The following MAZ variants were observed in gnomAD, a reference collection of about 807,000 sequenced individuals.
MAZ encodes the protein MYC associated zinc finger protein, also known as myc-associated zinc finger protein.
In MAZ, 4 loss-of-function variants were observed where a neutral mutation model predicts 32.7. That is an observed-to-expected ratio of 0.12 (90% CI 0.06 to 0.28). The LOEUF (loss-of-function observed/expected upper bound fraction) is 0.28. MAZ is among the 10% of genes least tolerant of loss of function. The pLI, the probability that MAZ is intolerant of heterozygous loss-of-function variation, is 1.00. For synonymous variants in MAZ, 510 were observed against 297.6 expected, an observed-to-expected ratio of 1.71 and a Z score of -7.35; for missense variants, 763 against 667.2, an observed-to-expected ratio of 1.14 and a Z score of -1.58.
Position 29,807,616 on chromosome 16 carries a change from G to A in MAZ, c.831G>A (p.Lys277=), listed in dbSNP as rs1424349757. The change falls in exon 2 of 5, where the codon AAG becomes AAA. Residue 277 remains lysine (K), a synonymous_variant. Transcript: ENST00000322945. ...TTTASGKRIR[K]NHACEMCGKA... ...CCGCCTCGGGGAAGCGCATCCGGAA[G>A]AACCATGCCTGCGAGATGTGTGGCA... 11 of 1,612,638 alleles carry A rather than the reference G, an allele frequency of 6.8e-6. No homozygotes were observed. The highest frequency in any genetic ancestry group is 1.1e-5 in the South Asian group (1 of 91,080).
chr16:29,808,505 C>T, intron 3 of MAZ, 65 bp from the exon 4 acceptor site: 10 of 1,100,766 alleles, frequency 9.1e-6, no homozygotes, highest in Non-Finnish European at 1.2e-5. Flanking sequence ...TCTTGCTCCC[C>T]CCTCCCCAGC....
chr16:29,806,960 G>A lies in MAZ; in HGVS notation c.193-18G>A, dbSNP rs1369135101. ...GCCCGCCCGCACCCGCGGCCCACTC[G>A]GCGCCTTGTCTCCGCAGGCCGCGCC... On this transcript the variant is annotated intron_variant, in intron 1 of 4. Coordinates refer to ENST00000322945, the MANE Select transcript of MAZ (RefSeq NM_002383.4). The A allele has an allele frequency of 3.7e-6, 4 of 1,090,862 alleles. No homozygotes were observed. The highest frequency in any genetic ancestry group is 4.4e-6 in the Non-Finnish European group (4 of 899,666). 67.6% of individuals were successfully genotyped at this position (1,090,862 alleles called of 1,614,324 possible). A position where few individuals can be genotyped will look rare whatever the true frequency, so the allele number is the denominator to read the frequency against.
chr16:29,809,140 G>A (rs1344663979), intron 4 of MAZ: 10 of 497,742 alleles, frequency 2.0e-5, no homozygotes, highest in Non-Finnish European at 3.2e-5. Flanking sequence ...CACCCTGCAC[G>A]GGTAGCAGAG....
In MAZ at chr16:29,810,099, GGCGGCGGCA is replaced by G. The variant is rs748595015; in HGVS notation, c.1308_1316del (p.Ala446_Ala448del). On this transcript the variant is annotated inframe_deletion, in exon 5 of 5. Coordinates refer to ENST00000322945, the MANE Select transcript of MAZ (RefSeq NM_002383.4). ...CAGGTACTGGTGAGGTTTGTCCAATGGCGGCGGCAGCGGCAGCGGCGGCAGCGGCAGCAG... is the reference window on the plus strand; with the variant it reads ...CAGGTACTGGTGAGGTTTGTCCAATGGCGGCAGCGGCGGCAGCGGCAGCAG... The G allele has an allele frequency of 5.4e-4, 866 of 1,609,664 alleles. 1 individual carries two copies. Among genetic ancestry groups the G allele is most frequent in the African/African-American group, 3.6e-3 (269 of 74,672 alleles).
Position 29,807,825 on chromosome 16 carries a change from C to G in MAZ, c.1040C>G (p.Ser347Cys). Residue 347 changes from serine (S) to cysteine (C), a missense_variant, in exon 2 of 5, where the codon TCC (serine) becomes TGC (cysteine). Transcript: ENST00000322945. ...TGCTCCCACTGTGGCAAGAGCTTCT[C>G]CCGGTGTGCACGGGGCCTCGGCCGC... is the stretch of plus-strand genomic sequence containing the variant. The part of the protein sequence containing the change: ...YNCSHCGKSF[S>C]RPDHLNSHVR... The G allele has an allele frequency of 6.2e-7, 1 of 1,605,326 alleles. No individual in the cohort carries two copies. Among genetic ancestry groups the G allele is most frequent in the Non-Finnish European group, 8.5e-7 (1 of 1,178,924 alleles).
At chr16:29,808,149 C>G in intron 2 of MAZ, 81 bp from the exon 3 acceptor site, 1 of 1,271,540 alleles carries the variant, frequency 7.9e-7, no homozygotes, top group Non-Finnish European at 1.1e-6. Flanking sequence ...GCGCAGGGAT[C>G]CTCGGAAAGG....
intron 2 of MAZ, 110 bp from the exon 3 acceptor site, chr16:29,808,120 G>C: frequency 9.1e-7 from 1 of 1,094,872 alleles, no homozygotes; most frequent in Non-Finnish European, 1.4e-6. Context: ...CGCTGTGACG[G>C]CCTGGGCTCC....
At chr16:29,809,998 A>G (rs937369181) in intron 4 of MAZ, 79 bp from the exon 5 acceptor site, 2 of 1,540,352 alleles carry the variant, frequency 1.3e-6, no homozygotes, top group Admixed American at 2.0e-5. Flanking sequence ...CAGGGGAAGC[A>G]GGCTGGGAAG....
At position 29,808,937 on chromosome 16, in the gene MAZ, G is replaced by T. The variant is rs536366999; in HGVS notation, c.1279+196G>T. The T allele has an allele frequency of 2.2e-3, 1,298 of 595,708 alleles. 2 individuals carry two copies. The highest frequency in any genetic ancestry group is 6.7e-3 in the Middle Eastern group (15 of 2,242). The allele number at this position is 595,708 out of a possible 1,614,324, so 36.9% of individuals were successfully genotyped here. Reference sequence around the variant, plus strand: ...CTAAGAAGTCCTGGTTGGAAGAGATGATCTGCCAGAGAGGTTGAACCTCCT... The same window carrying T: ...CTAAGAAGTCCTGGTTGGAAGAGATTATCTGCCAGAGAGGTTGAACCTCCT... On this transcript the variant is annotated intron_variant, in intron 4 of 4. Transcript: ENST00000322945.
rs1275760170 is a variant in MAZ at position 29,810,312 on chromosome 16, C to T, written c.*81C>T. On this transcript the variant is annotated 3_prime_UTR_variant, in exon 5 of 5. Transcript: ENST00000322945. ...GCTCCTCTCCCCCCTCTTTTCCCAC[C>T]AACTCCTATTTCCCTACCAACCAAG... 2.2e-6 allele frequency: 3 copies of T among 1,372,584 alleles called. No homozygotes were observed. The highest frequency in any genetic ancestry group is 3.0e-6 in the Non-Finnish European group (3 of 988,844). The allele number at this position is 1,372,584 out of a possible 1,614,324, so 85.0% of individuals were successfully genotyped here.
rs544455831 is a variant in MAZ at position 29,810,885 on chromosome 16, G to A, written c.*654G>A. ...GGGAGCAGGAGGAAGAGCCAGGAGG[G>A]CCAGAGGCAGAGAAGAGATGGAGTC... On this transcript the variant is annotated 3_prime_UTR_variant, in exon 5 of 5. Transcript: ENST00000322945. The A allele has an allele frequency of 5.9e-6, 2 of 340,004 alleles. No homozygotes were observed. The highest frequency in any genetic ancestry group is 8.7e-5 in the East Asian group (1 of 11,538). The allele number at this position is 340,004 out of a possible 1,614,324, so 21.1% of individuals were successfully genotyped here.
chr16:29,810,101 C>A lies in MAZ; in HGVS notation c.1304C>A (p.Ala435Glu), dbSNP rs774900228. The A allele has an allele frequency of 1.9e-6, 3 of 1,560,018 alleles. No homozygotes were observed. The part of the protein sequence containing the change: ...NKGTGEVCPM[A>E]AAAAAAAAAA... ...GGTACTGGTGAGGTTTGTCCAATGG[C>A]GGCGGCAGCGGCAGCGGCGGCAGCG... Residue 435 changes from alanine to glutamate, a missense_variant, in exon 5 of 5, where the codon GCG becomes GAG. Coordinates refer to ENST00000322945, the MANE Select transcript of MAZ (RefSeq NM_002383.4).
At chr16:29,808,798 C>CTG in intron 4 of MAZ, 57 bp downstream of exon 4, 1 of 1,557,270 alleles carries the variant, frequency 6.4e-7, no homozygotes, top group Non-Finnish European at 8.7e-7. Flanking sequence ...CCTGGCCAGA[C>CTG]GCCTTGCCAC....
At chr16:29,808,502 C>T (rs1296460795) in intron 3 of MAZ, 68 bp from the exon 4 acceptor site, 33 of 835,188 alleles carry the variant, frequency 4.0e-5, no homozygotes, top group Non-Finnish European at 5.5e-5. Context: ...ATCTCTTGCT[C>T]CCCCCTCCCC....
In MAZ at chr16:29,810,410, C is replaced by G. The variant is rs945811630; in HGVS notation, c.*179C>G. 1 of 767,308 alleles carries G rather than the reference C, an allele frequency of 1.3e-6. No individual in the cohort carries two copies. Among genetic ancestry groups the G allele is most frequent in the Admixed American group, 2.0e-5 (1 of 50,042 alleles). 47.5% of individuals were successfully genotyped at this position (767,308 alleles called of 1,614,324 possible). A position where few individuals can be genotyped will look rare whatever the true frequency, so the allele number is the denominator to read the frequency against. ...GCTAGGTTTTAACGATTTGTTTCTCCTGCTCCTCTTCTGTCAGACCTGACC... is the reference window on the plus strand; with the variant it reads ...GCTAGGTTTTAACGATTTGTTTCTCGTGCTCCTCTTCTGTCAGACCTGACC... On this transcript the variant is annotated 3_prime_UTR_variant, in exon 5 of 5. Transcript: ENST00000322945.
At chr16:29,807,899 G>A (rs1377324871) in intron 2 of MAZ, 71 bp downstream of exon 2, 11 of 1,560,732 alleles carry the variant, frequency 7.0e-6, no homozygotes, top group Non-Finnish European at 9.5e-6. Flanking sequence ...GCCTGGCCGT[G>A]GCTGGCGGGG....
chr16:29,808,181 T>C, intron 2 of MAZ, 49 bp from the exon 3 acceptor site: 1 of 1,517,250 alleles, frequency 6.6e-7, no homozygotes, highest in Non-Finnish European at 9.2e-7. Context: ...GTTTGGTGGA[T>C]TTGGGGCGCA....
At position 29,807,682 on chromosome 16, in the gene MAZ, G is replaced by A; in HGVS notation, c.897G>A (p.Leu299=). The A allele has an allele frequency of 3.1e-6, 5 of 1,612,968 alleles. No homozygotes were observed. Among genetic ancestry groups the A allele is most frequent in the Non-Finnish European group, 4.2e-6 (5 of 1,179,980 alleles). Residue 299 remains leucine (L), a synonymous_variant, in exon 2 of 5, where the codon CTG becomes CTA. Coordinates refer to ENST00000322945, the MANE Select transcript of MAZ (RefSeq NM_002383.4). The part of the protein sequence containing the change: ...RDVYHLNRHK[L]SHSDEKPYQC... Reference sequence around the variant, plus strand: ...TCTACCACCTGAACCGACACAAGCTGTCGCACTCGGACGAGAAGCCCTACC... The same window carrying A: ...TCTACCACCTGAACCGACACAAGCTATCGCACTCGGACGAGAAGCCCTACC...
At position 29,807,176 on chromosome 16, in the gene MAZ, C is replaced by G. The variant is rs981378159; in HGVS notation, c.391C>G (p.Pro131Ala). 1 of 1,123,060 alleles carries G rather than the reference C, an allele frequency of 8.9e-7. No homozygotes were observed. Among genetic ancestry groups the G allele is most frequent in the Admixed American group, 4.6e-5 (1 of 21,740 alleles). The allele number at this position is 1,123,060 out of a possible 1,614,324, so 69.6% of individuals were successfully genotyped here. The change falls in exon 2 of 5, where the codon CCG becomes GCG. Residue 131 changes from proline to alanine, a missense_variant. Physicochemically the swap from Pro to Ala is conservative, Grantham distance 27. Transcript: ENST00000322945. The part of the protein sequence containing the change: ...TVDTAALKQP[P>A]APPPPPPPVS... ...GGACACAGCGGCCCTGAAGCAGCCT[C>G]CGGCGCCCCCTCCGCCACCCCCGCC...
Sources: allele counts gnomAD v4.1 joint callset, GRCh38; gene constraint gnomAD v4.1.1; transcripts MANE v1.5; gene names NCBI Gene and HGNC (gene_info 2026-07-23, HGNC 2026-07-21).